GPA33: variants seen among roughly 807,000 people sequenced by gnomAD.
The protein encoded by GPA33 is glycoprotein A33.
A neutral mutation model predicts 35.6 loss-of-function variants in GPA33; 27 were observed. That is an observed-to-expected ratio of 0.76 (90% CI 0.56 to 1.04). GPA33 has a LOEUF of 1.04. Among genes scored for constraint, GPA33 ranks in the 50% least tolerant of loss-of-function variants. The pLI is 0.00. For synonymous variants in GPA33, 176 were observed against 164.0 expected, an observed-to-expected ratio of 1.07 and a Z score of -0.56; for missense variants, 428 against 411.9, an observed-to-expected ratio of 1.04 and a Z score of -0.34.
chr1:167,071,210 C>A (rs973691515), intron 2 of GPA33, among the ~76,000 whole-genome samples: 4 of 152,250 alleles, frequency 2.6e-5, no homozygotes, highest in African/African-American at 9.6e-5. Flanking sequence ...AAAGCCAAGA[C>A]AAGACTTCCA....
chr1:167,068,190 A>G (rs1666640155), intron 3 of GPA33, among the ~76,000 whole-genome samples: 1 of 152,156 alleles, frequency 6.6e-6, no homozygotes, highest in Admixed American at 6.5e-5. Flanking sequence ...TTTTGGTTTA[A>G]AGCATTGCTA....
In GPA33 at chr1:167,069,088, C is replaced by T. The variant is rs1274744748; in HGVS notation, c.249G>A (p.Glu83=). 9 of 1,614,096 alleles carry T rather than the reference C, an allele frequency of 5.6e-6. No individual in the cohort carries two copies. The highest frequency in any genetic ancestry group is 1.7e-5 in the Admixed American group (1 of 60,018). Residue 83 remains glutamate (E), a synonymous_variant, in exon 3 of 7, where the codon GAG becomes GAA. Transcript: ENST00000367868. ...ATATGCTGACGCGATTCTTATAAAGCTCACCATGGATGTAGTTTTTGTTTG... is the reference window on the plus strand; with the variant it reads ...ATATGCTGACGCGATTCTTATAAAGTTCACCATGGATGTAGTTTTTGTTTG... ...PFSNKNYIHG[E]LYKNRVSISN... is the part of the protein sequence containing the mutation.
chr1:167,068,854 C>A (rs1666653814), intron 3 of GPA33, 68 bp downstream of exon 3: 2 of 1,217,156 alleles, frequency 1.6e-6, no homozygotes, highest in African/African-American at 1.5e-5. Flanking sequence ...AACACCTGGG[C>A]TCTTCTCCCT....
intron 2 of GPA33, among the ~76,000 whole-genome samples, chr1:167,072,761 C>A (rs1479168513): frequency 2.0e-5 from 3 of 151,870 alleles, no homozygotes; most frequent in Non-Finnish European, 4.4e-5. Flanking sequence ...GAGTCGAATG[C>A]AAAACAGTAT....
intron 1 of GPA33, among the ~76,000 whole-genome samples, chr1:167,089,721 A>G (rs938523942): frequency 2.6e-5 from 4 of 152,090 alleles, no homozygotes; most frequent in Admixed American, 1.3e-4. Flanking sequence ...AGTGGCAAGG[A>G]GCTTTGGCCT....
At chr1:167,071,067 G>A (rs1469188947) in intron 2 of GPA33, among the ~76,000 whole-genome samples, 1 of 152,124 alleles carries the variant, frequency 6.6e-6, no homozygotes, top group Non-Finnish European at 1.5e-5. Flanking sequence ...TGAAGGTTTG[G>A]GAGCCAATGA....
At chr1:167,074,453 A>G (rs1666781539) in intron 1 of GPA33, among the ~76,000 whole-genome samples, 1 of 152,184 alleles carries the variant, frequency 6.6e-6, no homozygotes, top group Non-Finnish European at 1.5e-5. Flanking sequence ...CATGGGAGTG[A>G]GCAAACCCAG....
intron 4 of GPA33, among the ~76,000 whole-genome samples, 177 bp from the exon 5 acceptor site, chr1:167,056,026 G>A (rs1315033518): frequency 6.6e-6 from 1 of 152,190 alleles, no homozygotes; most frequent in Non-Finnish European, 1.5e-5. Context: ...GGCCCACAAT[G>A]TGAAGTGCTC....
intron 4 of GPA33, 28 bp downstream of exon 4, chr1:167,063,554 G>A (rs769236043): frequency 5.7e-6 from 9 of 1,579,286 alleles, no homozygotes; most frequent in South Asian, 2.3e-5. Context: ...TTGACGTGGG[G>A]AGCCCGCCTT....
In GPA33 at chr1:167,069,009, C is replaced by A; in HGVS notation, c.328G>T (p.Ala110Ser). The part of the protein sequence containing the change: ...ASITIDQLTM[A>S]DNGTYECSVS... ...GAACACTCGTAGGTGCCGTTGTCAG[C>A]CATGGTCAGCTGATCAATGGTGATG... Residue 110 changes from alanine (A) to serine (S), a missense_variant, in exon 3 of 7, where the codon GCT becomes TCT. Physicochemically the swap from Ala to Ser is moderately conservative, Grantham distance 99. Coordinates refer to ENST00000367868, the MANE Select transcript of GPA33 (RefSeq NM_005814.3). The A allele has an allele frequency of 1.2e-6, 2 of 1,614,100 alleles. No homozygotes were observed. The highest frequency in any genetic ancestry group is 1.1e-5 in the South Asian group (1 of 91,080).
chr1:167,077,272 G>A (rs985479075), intron 1 of GPA33, among the ~76,000 whole-genome samples: 3 of 152,002 alleles, frequency 2.0e-5, no homozygotes, highest in African/African-American at 4.8e-5. Context: ...TCATCAGAAG[G>A]TTACTTGCTT....
chr1:167,064,829 A>G (rs188046855), intron 3 of GPA33, among the ~76,000 whole-genome samples: 13 of 152,240 alleles, frequency 8.5e-5, no homozygotes, highest in Middle Eastern at 3.4e-3. Flanking sequence ...AGCAGTTGCC[A>G]TAAGCACGGG....
Position 167,055,741 on chromosome 1 carries a change from GC to G in GPA33, c.679del (p.Ala227ProfsTer7). The G allele has an allele frequency of 6.2e-7, 1 of 1,613,964 alleles. No individual in the cohort carries two copies. Among genetic ancestry groups the G allele is most frequent in the East Asian group, 2.2e-5 (1 of 44,888 alleles). On this transcript the variant is annotated frameshift_variant, in exon 5 of 7. Transcript: ENST00000367868. LOFTEE classifies it high-confidence loss of function. ...EGTQFCNITVAVRSPSMNVAL... is the reference protein window; with the variant it reads ...EGTQFCNITVXVRSPSMNVAL... ...CAGGCTGCTCTTACGAGATCTGACG[GC>G]CACCGTGATGTTGCAGAACTGCGTC...
intron 1 of GPA33, among the ~76,000 whole-genome samples, chr1:167,083,808 A>G (rs563512595): frequency 3.6e-4 from 55 of 152,254 alleles, no homozygotes; most frequent in African/African-American, 1.2e-3. Flanking sequence ...TCCAGAAACT[A>G]ACACAAACCA....
rs1199076498 is a variant in GPA33 at position 167,055,507 on chromosome 1, A to C, written c.691+223T>G. On this transcript the variant is annotated intron_variant, in intron 5 of 6. Coordinates refer to ENST00000367868, the MANE Select transcript of GPA33 (RefSeq NM_005814.3). ...ACAAAGCCTCTGAGTCCTAGAAGTC[A>C]GTCCTAGGTTCCACTTCCAAACACC... Among the ~76,000 whole-genome samples, 4 of 152,128 alleles carry C rather than the reference A, an allele frequency of 2.6e-5. No homozygotes were observed. The East Asian group carries it at 7.7e-4, about 29-fold the overall frequency.
At chr1:167,056,870 G>GTGCTGCA (rs1666313956) in intron 4 of GPA33, among the ~76,000 whole-genome samples, 1 of 84,386 alleles carries the variant, frequency 1.2e-5, no homozygotes, top group African/African-American at 4.4e-5. Context: ...TGTGTGTGGT[G>GTGCTGCA]TGTGGTGTGT....
intron 4 of GPA33, among the ~76,000 whole-genome samples, chr1:167,059,160 C>A (rs1666375896): frequency 1.3e-5 from 2 of 152,306 alleles, no homozygotes; most frequent in South Asian, 4.1e-4. Context: ...CCCCCAGTTC[C>A]CTGATGCAAA....
chr1:167,055,769 C>T lies in GPA33; in HGVS notation c.652G>A (p.Gly218Arg). 6.2e-7 allele frequency: 1 copy of T among 1,614,054 alleles called. No homozygotes were observed. The highest frequency in any genetic ancestry group is 8.5e-7 in the Non-Finnish European group (1 of 1,179,960). The part of the protein sequence containing the change: ...YYICTSSNEE[G>R]TQFCNITVAV... ...ACCGTGATGTTGCAGAACTGCGTCCCCTCCTCATTGCTGGAGGTACAGATG... is the reference window on the plus strand; with the variant it reads ...ACCGTGATGTTGCAGAACTGCGTCCTCTCCTCATTGCTGGAGGTACAGATG... The change falls in exon 5 of 7, where the codon GGG becomes AGG. Residue 218 changes from glycine (G) to arginine (R), a missense_variant. Gly to Arg is a moderately radical substitution (Grantham distance 125). Transcript: ENST00000367868.
chr1:167,054,945 C>A, intron 6 of GPA33, 31 bp downstream of exon 6: 1 of 1,613,428 alleles, frequency 6.2e-7, no homozygotes, highest in South Asian at 1.1e-5. Flanking sequence ...TCCCCAGACC[C>A]TTCCAACAGG....
Sources: allele counts gnomAD v4.1 joint callset (sites outside exome capture counted in the v4.1 genomes callset), GRCh38; gene constraint gnomAD v4.1.1; transcripts MANE v1.5; gene names NCBI Gene and HGNC (gene_info 2026-07-23, HGNC 2026-07-21).